The following MRPL42 variants were observed in gnomAD, a reference collection of about 807,000 sequenced individuals.
MRPL42 encodes large ribosomal subunit protein mL42.
In MRPL42, 17 loss-of-function variants were observed where a neutral mutation model predicts 17.9. The ratio of observed to expected loss-of-function variants is 0.95; its 90% CI spans 0.65 to 1.42. The LOEUF (loss-of-function observed/expected upper bound fraction) is 1.42, where lower values mean the gene tolerates loss of function less well. MRPL42 is among the 40% of genes most tolerant of loss of function. The probability of loss-of-function intolerance (pLI) is 0.00; values close to 1 mark genes in which losing one functional copy is unlikely to be tolerated. For synonymous variants in MRPL42, 59 were observed against 54.4 expected, an observed-to-expected ratio of 1.08 and a Z score of -0.37; for missense variants, 177 against 175.2, an observed-to-expected ratio of 1.01 and a Z score of -0.06.
chr12:93,490,792 A>C (rs1350362850), intron 5 of MRPL42, among the ~76,000 whole-genome samples: 1 of 152,244 alleles, frequency 6.6e-6, no homozygotes, highest in Non-Finnish European at 1.5e-5. Flanking sequence ...TACAGCAGTC[A>C]AAAGAATGGG....
At chr12:93,500,182 T>C (rs182451194) in intron 5 of MRPL42, among the ~76,000 whole-genome samples, 1 of 152,366 alleles carries the variant, frequency 6.6e-6, no homozygotes, top group East Asian at 1.9e-4. Flanking sequence ...GTTATCATCA[T>C]ACTGTATATG....
At chr12:93,490,002 C>T (rs1386328325) in intron 5 of MRPL42, among the ~76,000 whole-genome samples, 2 of 152,206 alleles carry the variant, frequency 1.3e-5, no homozygotes, top group African/African-American at 2.4e-5. Context: ...TTTTATGATT[C>T]TTAACATCTC....
intron 4 of MRPL42, among the ~76,000 whole-genome samples, chr12:93,482,853 C>T (rs559008125): frequency 7.3e-5 from 11 of 151,526 alleles, no homozygotes; most frequent in South Asian, 2.1e-4. Flanking sequence ...CCCAAAGTGC[C>T]GGGCTTACAA....
In MRPL42 at chr12:93,469,372, T is replaced by G; in HGVS notation, c.70+17T>G. On this transcript the variant is annotated intron_variant, in intron 2 of 5. Transcript: ENST00000549982. The stretch of plus-strand genomic sequence containing the variant: ...CAGTCCAAAGTAAGTGAAATTTTTT[T>G]TAATGTTTAAAAACTTTTAAACTTT... The G allele has an allele frequency of 6.3e-7, 1 of 1,575,402 alleles. No homozygotes were observed. Among genetic ancestry groups the G allele is most frequent in the Non-Finnish European group, 8.6e-7 (1 of 1,159,140 alleles).
intron 4 of MRPL42, 84 bp from the exon 5 acceptor site, chr12:93,487,413 T>C (rs1012422586): frequency 8.0e-7 from 1 of 1,256,098 alleles, no homozygotes; most frequent in Non-Finnish European, 1.1e-6. Flanking sequence ...TTACTGAATA[T>C]GGTAATTGTT....
chr12:93,473,732 A>G (rs984169613), intron 2 of MRPL42, among the ~76,000 whole-genome samples: 29 of 150,096 alleles, frequency 1.9e-4, no homozygotes, highest in African/African-American at 5.2e-4. Context: ...CGCTTGGCCT[A>G]TGTTTTGTAT....
intron 5 of MRPL42, among the ~76,000 whole-genome samples, chr12:93,500,328 A>G (rs1233378953): frequency 2.6e-5 from 4 of 152,192 alleles, no homozygotes; most frequent in African/African-American, 9.7e-5. Flanking sequence ...CTGCTTTTCA[A>G]AAGTATTTTG....
chr12:93,515,364 A>T lies in MRPL42; in HGVS notation c.*14143A>T, dbSNP rs796894229. ...GAAGTAAAAATTAATAGGCCTTGGC[A>T]ACTATTTTTTTTTTTTTTTTTTGAG... On this transcript the variant is annotated 3_prime_UTR_variant, in exon 6 of 6. Transcript: ENST00000549982. 6 of 105,314 alleles carry T rather than the reference A, an allele frequency of 5.7e-5. No homozygotes were observed. Among genetic ancestry groups the T allele is most frequent in the African/African-American group, 2.0e-4 (6 of 29,568 alleles). 6.5% of individuals were successfully genotyped at this position (105,314 alleles called of 1,614,324 possible).
intron 2 of MRPL42, among the ~76,000 whole-genome samples, chr12:93,475,713 G>A (rs947501986): frequency 5.9e-5 from 9 of 152,042 alleles, no homozygotes; most frequent in South Asian, 4.2e-4. Context: ...AGCTGAGCAC[G>A]GTGGCTCACA....
chr12:93,511,045 A>G lies in MRPL42; in HGVS notation c.*9824A>G, dbSNP rs1288050059. 2.0e-5 allele frequency: 3 copies of G among 152,218 alleles called. No individual in the cohort carries two copies. The highest frequency in any genetic ancestry group is 4.4e-5 in the Non-Finnish European group (3 of 68,030). 9.4% of individuals were successfully genotyped at this position (152,218 alleles called of 1,614,324 possible). On this transcript the variant is annotated 3_prime_UTR_variant, in exon 6 of 6. Transcript: ENST00000549982. Reference sequence around the variant, plus strand: ...TACCTTTTCTGAATGCAACAGTATTAGTAAACCTAATGGTGACAATAAAAG... The same window carrying G: ...TACCTTTTCTGAATGCAACAGTATTGGTAAACCTAATGGTGACAATAAAAG...
intron 1 of MRPL42, among the ~76,000 whole-genome samples, chr12:93,468,131 C>T (rs994405314): frequency 1.3e-5 from 2 of 152,198 alleles, no homozygotes; most frequent in Non-Finnish European, 2.9e-5. Flanking sequence ...GATGCTGCTT[C>T]ACACACTTGT....
chr12:93,487,942 A>G (rs145347671), intron 5 of MRPL42: 8 of 274,710 alleles, frequency 2.9e-5, no homozygotes, highest in African/African-American at 1.8e-4. Flanking sequence ...TACTACAGGC[A>G]TGTGCCACCA....
chr12:93,482,091 C>A (rs1218220430), intron 4 of MRPL42, among the ~76,000 whole-genome samples: 1 of 152,190 alleles, frequency 6.6e-6, no homozygotes, highest in East Asian at 1.9e-4. Context: ...CAAGTAATCA[C>A]CCCACTGCCA....
In MRPL42 at chr12:93,478,868, C is replaced by A. The variant is rs769749321; in HGVS notation, c.135-520C>A. On this transcript the variant is annotated intron_variant, in intron 3 of 5. Coordinates refer to ENST00000549982, the MANE Select transcript of MRPL42 (RefSeq NM_014050.4). ...TGTTATGGGTACCAGGTTTGCCAAT[C>A]CAGTGATGTAGTATCTTCAGCAATT... is the stretch of plus-strand genomic sequence containing the variant. Among the ~76,000 whole-genome samples, 3 of 152,040 alleles carry A rather than the reference C, an allele frequency of 2.0e-5. No homozygotes were observed. The East Asian group carries it at 5.8e-4, about 29-fold the overall frequency.
chr12:93,471,365 T>C (rs1043899795), intron 2 of MRPL42, among the ~76,000 whole-genome samples: 4 of 152,080 alleles, frequency 2.6e-5, no homozygotes, highest in Non-Finnish European at 5.9e-5. Context: ...AGTTTCACCA[T>C]GTTGGCCAGG....
chr12:93,477,141 TA>T, intron 3 of MRPL42, 124 bp downstream of exon 3: 2 of 704,088 alleles, frequency 2.8e-6, no homozygotes, highest in South Asian at 2.1e-5. Flanking sequence ...ATTTTGTTTT[TA>T]AAAATTATTT....
chr12:93,469,213 GA>G lies in MRPL42; in HGVS notation c.-71del. The G allele has an allele frequency of 8.2e-7, 1 of 1,220,854 alleles. No individual in the cohort carries two copies. Among genetic ancestry groups the G allele is most frequent in the Non-Finnish European group, 1.2e-6 (1 of 849,334 alleles). 75.6% of individuals were successfully genotyped at this position (1,220,854 alleles called of 1,614,324 possible). On this transcript the variant is annotated 5_prime_UTR_variant, in exon 2 of 6. The change abolishes the stop of an existing upstream ORF in the 5' untranslated region. Coordinates refer to ENST00000549982, the MANE Select transcript of MRPL42 (RefSeq NM_014050.4). The stretch of plus-strand genomic sequence containing the variant: ...GCAGGAGTAGAAATTGGTATGCTTA[GA>G]AGCAGATTCTAAAAGCAGTTTCTCT...
chr12:93,478,137 G>C (rs1374607523), intron 3 of MRPL42, among the ~76,000 whole-genome samples: 2 of 150,418 alleles, frequency 1.3e-5, no homozygotes, highest in Admixed American at 1.3e-4. Flanking sequence ...TGTATTTTTT[G>C]TAGAAACGGG....
rs529326954 is a variant in MRPL42, at chr12:93,508,850, A to G, written c.*7629A>G. ...ATTTCCTTATCAGTTTAAACCATAT[A>G]TATTTTAACACTGTCTCTTTTTCAC... On this transcript the variant is annotated 3_prime_UTR_variant, in exon 6 of 6. Transcript: ENST00000549982. The G allele has an allele frequency of 6.6e-6, 1 of 152,286 alleles. No homozygotes were observed. Among genetic ancestry groups the G allele is most frequent in the East Asian group, 1.9e-4 (1 of 5,184 alleles). 9.4% of individuals were successfully genotyped at this position (152,286 alleles called of 1,614,324 possible). A position where few individuals can be genotyped will look rare whatever the true frequency, so the allele number is the denominator to read the frequency against.
Sources: gnomAD v4.1 joint callset for allele counts (sites outside exome capture counted in the v4.1 genomes callset) on GRCh38, gnomAD v4.1.1 for gene constraint, MANE v1.5 for transcripts, NCBI Gene and HGNC (gene_info 2026-07-23, HGNC 2026-07-21) for gene names.